The following ZP3 variants were observed in gnomAD, a reference collection of about 807,000 sequenced individuals.
ZP3 encodes the protein zona pellucida sperm-binding protein 3.
A neutral mutation model predicts 35.6 loss-of-function variants in ZP3; 21 were observed. That is an observed-to-expected ratio of 0.59 (90% CI 0.42 to 0.85). The LOEUF (loss-of-function observed/expected upper bound fraction) is 0.85, where lower values mean the gene tolerates loss of function less well. Among genes scored for constraint, ZP3 ranks in the 40% least tolerant of loss-of-function variants. The pLI is 0.00. For synonymous variants in ZP3, 207 were observed against 214.5 expected, an observed-to-expected ratio of 0.96 and a Z score of 0.31; for missense variants, 437 against 536.5, an observed-to-expected ratio of 0.81 and a Z score of 1.83.
chr7:76,438,497 A>T (rs1341929639), intron 5 of ZP3, among the ~76,000 whole-genome samples: 2 of 145,398 alleles, frequency 1.4e-5, no homozygotes, highest in African/African-American at 2.6e-5. Context: ...GGTAGTGGCT[A>T]CAGTGTACTC....
At chr7:76,429,408 G>A (rs2115899902) in intron 1 of ZP3, 107 bp from the exon 2 acceptor site, 1 of 1,033,328 alleles carries the variant, frequency 9.7e-7, no homozygotes, top group Middle Eastern at 2.1e-4. Flanking sequence ...TTGACCCTGT[G>A]GTCTTTCTGT....
chr7:76,441,619 C>G (rs1199854580), intron 7 of ZP3, among the ~76,000 whole-genome samples: 2 of 152,076 alleles, frequency 1.3e-5, no homozygotes, highest in African/African-American at 2.4e-5. Context: ...AACACCTGAC[C>G]TCAGGTGATC....
chr7:76,419,345 A>G (rs1039813815), intron 1 of ZP3, among the ~76,000 whole-genome samples: 7 of 152,136 alleles, frequency 4.6e-5, no homozygotes, highest in Non-Finnish European at 7.4e-5. Context: ...TAATCTATCT[A>G]GAATTCATTT....
chr7:76,409,235 G>A (rs988799526), intron 1 of ZP3, among the ~76,000 whole-genome samples: 6 of 151,952 alleles, frequency 3.9e-5, no homozygotes, highest in African/African-American at 1.5e-4. Context: ...GAAAACAGCA[G>A]CCAGAAGGGG....
intron 5 of ZP3, among the ~76,000 whole-genome samples, chr7:76,439,355 T>G (rs1481311174): frequency 6.6e-6 from 1 of 152,186 alleles, no homozygotes; most frequent in Non-Finnish European, 1.5e-5. Context: ...GCTATTAAGG[T>G]GTCTACCACT....
upstream of ZP3, among the ~76,000 whole-genome samples, chr7:76,421,556 T>C (rs1351233042): frequency 6.6e-6 from 1 of 151,934 alleles, no homozygotes. Context: ...GCCTGGCAGA[T>C]TTTTAATTTT....
intron 1 of ZP3, among the ~76,000 whole-genome samples, chr7:76,407,229 G>A (rs998815839): frequency 6.6e-6 from 1 of 152,202 alleles, no homozygotes; most frequent in African/African-American, 2.4e-5. Context: ...CCAAAGTGCT[G>A]GAATTACAGG....
intron 1 of ZP3, chr7:76,429,107 G>A (rs144961126): frequency 1.4e-4 from 32 of 225,872 alleles, no homozygotes; most frequent in African/African-American, 6.5e-4. Context: ...GTGTCAGAAG[G>A]GATGTGTCAT....
At chr7:76,407,491 C>T (rs1176847853) in intron 1 of ZP3, among the ~76,000 whole-genome samples, 1 of 152,072 alleles carries the variant, frequency 6.6e-6, no homozygotes, top group African/African-American at 2.4e-5. Context: ...ATCACCACGC[C>T]CAGCTAATTG....
At chr7:76,420,743 A>T (rs780036771), upstream of ZP3, among the ~76,000 whole-genome samples, 42 of 152,118 alleles carry the variant, frequency 2.8e-4, no homozygotes, top group Non-Finnish European at 5.1e-4. Flanking sequence ...TTTATTTTGA[A>T]ATTAAACTGA....
intron 1 of ZP3, among the ~76,000 whole-genome samples, chr7:76,415,478 A>T (rs1805347754): frequency 6.7e-6 from 1 of 150,200 alleles, no homozygotes; most frequent in Admixed American, 6.7e-5. Flanking sequence ...CTTATTTTAG[A>T]TTTTATTTTA....
rs574717574 is a variant in ZP3 at position 76,425,911 on chromosome 7, C to T, written c.312+635C>T. 2.4e-4 allele frequency among the ~76,000 whole-genome samples: 37 copies of T among 152,000 alleles called. No individual in the cohort carries two copies. In the South Asian group the frequency reaches 6.9e-3, roughly 28 times the overall value. On this transcript the variant is annotated intron_variant, in intron 1 of 7. Transcript: ENST00000394857. Reference sequence around the variant, plus strand: ...CAGCCTGGCCAACATGGTGAAACCCCATCTCTACTAATAATACAAAAATTA... The same window carrying T: ...CAGCCTGGCCAACATGGTGAAACCCTATCTCTACTAATAATACAAAAATTA...
chr7:76,432,250 G>A (rs531868468), intron 2 of ZP3, among the ~76,000 whole-genome samples: 3 of 151,346 alleles, frequency 2.0e-5, no homozygotes, highest in African/African-American at 4.9e-5. Flanking sequence ...GTGCAGTGGT[G>A]TGATCTCAGC....
At position 76,405,784 on chromosome 7, in the gene ZP3, GGA is replaced by G. The variant is rs1375104497; in HGVS notation, c.-67+7991_-67+7992del. On this transcript the variant is annotated intron_variant, in intron 1 of 8. Transcript: ENST00000336517. ...GGATGTGTGAAGAGGGCAAATGGTG[GGA>G]GAGGGGGTTGGCAGGGTTGGCTCGG... Among the ~76,000 whole-genome samples, 3 of 152,038 alleles carry G rather than the reference GGA, an allele frequency of 2.0e-5. No homozygotes were observed. The East Asian group carries it at 5.8e-4, about 29-fold the overall frequency.
chr7:76,430,612 G>A (rs1374338598), intron 2 of ZP3, among the ~76,000 whole-genome samples: 1 of 151,776 alleles, frequency 6.6e-6, no homozygotes, highest in Non-Finnish European at 1.5e-5. Context: ...GCGCGTGCCT[G>A]TAATCTCAGC....
intron 1 of ZP3, among the ~76,000 whole-genome samples, chr7:76,428,161 A>ATT (rs1554625140): frequency 4.4e-5 from 5 of 114,614 alleles, no homozygotes; most frequent in African/African-American, 8.7e-5. Flanking sequence ...CCCTGTCTCT[A>ATT]TTTAAAAAAA....
intron 1 of ZP3, among the ~76,000 whole-genome samples, chr7:76,417,712 A>G (rs1254766297): frequency 6.6e-6 from 1 of 150,582 alleles, no homozygotes; most frequent in Non-Finnish European, 1.5e-5. Context: ...CCTGGACTCA[A>G]GTGATCCTCC....
intron 5 of ZP3, among the ~76,000 whole-genome samples, chr7:76,434,544 A>T (rs1385488358): frequency 5.9e-5 from 8 of 134,474 alleles, no homozygotes; most frequent in African/African-American, 1.8e-4. Context: ...AGGCTGAAGC[A>T]GGAGAATAGC....
At chr7:76,425,771 C>T (rs1303158723) in intron 1 of ZP3, among the ~76,000 whole-genome samples, 2 of 151,992 alleles carry the variant, frequency 1.3e-5, no homozygotes, top group Non-Finnish European at 2.9e-5. Context: ...TTGAGGCCAG[C>T]CTGGGCAACA....
Sources: allele counts gnomAD v4.1 joint callset (sites outside exome capture counted in the v4.1 genomes callset), GRCh38; gene constraint gnomAD v4.1.1; transcripts MANE v1.5; gene names NCBI Gene and HGNC (gene_info 2026-07-23, HGNC 2026-07-21).